The following EXOC1 variants were observed in gnomAD, a reference collection of about 807,000 sequenced individuals.
EXOC1 encodes exocyst complex component 1.
In EXOC1, 67 loss-of-function variants were observed where a neutral mutation model predicts 107.7. That is an observed-to-expected ratio of 0.62 (90% CI 0.51 to 0.76). EXOC1 has a LOEUF of 0.76. Ranked by LOEUF, EXOC1 falls within the 30% of genes least tolerant of loss-of-function variation. EXOC1 has a pLI of 0.00. For missense variants in EXOC1, 833 were observed against 1,055.7 expected (o/e 0.79, Z 2.92); for synonymous variants, 348 against 353.5 (o/e 0.98, Z 0.17).
chr4:55,897,760 C>A (rs927293237), intron 16 of EXOC1, among the ~76,000 whole-genome samples: 3 of 152,068 alleles, frequency 2.0e-5, no homozygotes, highest in Admixed American at 6.6e-5. Context: ...GGATTATAGG[C>A]AGGCATCATC....
At chr4:55,879,847 A>G (rs1723223354) in intron 9 of EXOC1, among the ~76,000 whole-genome samples, 1 of 152,188 alleles carries the variant, frequency 6.6e-6, no homozygotes. Flanking sequence ...GTTTTTGTGA[A>G]TATGAAGTTT....
At chr4:55,896,624 T>C in intron 15 of EXOC1, 93 bp from the exon 16 acceptor site, 1 of 1,001,502 alleles carries the variant, frequency 1.0e-6, no homozygotes, top group Non-Finnish European at 1.4e-6. Context: ...TCTATGTATA[T>C]ATCTATATCT....
At chr4:55,854,455 G>T (rs62310537) in intron 1 of EXOC1, among the ~76,000 whole-genome samples, 22,642 of 151,922 alleles carry the variant, frequency 0.15, 1,943 homozygotes, top group Middle Eastern at 0.25. Context: ...TAATTTTAGA[G>T]GACCTCTAGG....
At chr4:55,867,456 T>C (rs1325980437) in intron 4 of EXOC1, among the ~76,000 whole-genome samples, 2 of 152,148 alleles carry the variant, frequency 1.3e-5, no homozygotes, top group Non-Finnish European at 2.9e-5. Flanking sequence ...AATTGCTAAC[T>C]TTATTTAGAG....
chr4:55,868,799 T>C (rs1722177437), intron 5 of EXOC1: 1 of 284,388 alleles, frequency 3.5e-6, no homozygotes, highest in South Asian at 1.1e-4. Flanking sequence ...AGAGAACATC[T>C]TGGGAGTTGA....
intron 1 of EXOC1, among the ~76,000 whole-genome samples, chr4:55,854,522 A>G (rs1475994185): frequency 6.6e-6 from 1 of 151,966 alleles, no homozygotes; most frequent in Non-Finnish European, 1.5e-5. Context: ...TAATCACTCG[A>G]CTCTTAGGAT....
chr4:55,857,271 C>T (rs1045609599), intron 1 of EXOC1, among the ~76,000 whole-genome samples: 10 of 146,010 alleles, frequency 6.8e-5, no homozygotes, highest in Admixed American at 2.8e-4. Context: ...CTCCGCCTCC[C>T]GAGTTCATGC....
chr4:55,858,490 A>G, intron 2 of EXOC1, 43 bp downstream of exon 2: 1 of 1,511,438 alleles, frequency 6.6e-7, no homozygotes, highest in Non-Finnish European at 8.8e-7. Flanking sequence ...GTATCCTTTT[A>G]TTATTTAGAA....
intron 9 of EXOC1, chr4:55,882,969 T>G (rs1194526087): frequency 6.6e-6 from 1 of 152,052 alleles, no homozygotes; most frequent in Non-Finnish European, 1.5e-5. Flanking sequence ...AAATATACAG[T>G]CTCCCACTGT....
At chr4:55,861,753 G>T (rs563074643) in intron 3 of EXOC1, among the ~76,000 whole-genome samples, 3 of 152,180 alleles carry the variant, frequency 2.0e-5, no homozygotes, top group Non-Finnish European at 4.4e-5. Context: ...ATTATAATGG[G>T]ATGTTTAAAA....
At position 55,878,045 on chromosome 4, in the gene EXOC1, A is replaced by C; in HGVS notation, c.1203A>C (p.Gly401=). Residue 401 remains glycine, a synonymous_variant, in exon 9 of 19, where the codon GGA becomes GGC. Transcript: ENST00000381295. The part of the protein sequence containing the change: ...LMEWLKSTDY[G]KYEGLTKNYM... ...AGTGGCTAAAGAGTACAGATTATGGAAAATATGAAGGACTAACAAAGGTAT... is the reference window on the plus strand; with the variant it reads ...AGTGGCTAAAGAGTACAGATTATGGCAAATATGAAGGACTAACAAAGGTAT... 2 of 1,613,392 alleles carry C rather than the reference A, an allele frequency of 1.2e-6. No homozygotes were observed. Among genetic ancestry groups the C allele is most frequent in the South Asian group, 2.2e-5 (2 of 91,026 alleles).
chr4:55,884,950 G>A (rs1723728978), intron 10 of EXOC1, among the ~76,000 whole-genome samples: 1 of 152,138 alleles, frequency 6.6e-6, no homozygotes, highest in Admixed American at 6.6e-5. Flanking sequence ...CATTTGAAAT[G>A]GTTTGAATTT....
At chr4:55,903,513 C>T (rs1330997968) in intron 18 of EXOC1, among the ~76,000 whole-genome samples, 2 of 152,006 alleles carry the variant, frequency 1.3e-5, no homozygotes, top group Admixed American at 6.6e-5. Flanking sequence ...TAGGGAATAG[C>T]GATTGGTCTT....
At chr4:55,876,069 T>A (rs751651355) in intron 8 of EXOC1, 4 of 985,028 alleles carry the variant, frequency 4.1e-6, no homozygotes, top group Non-Finnish European at 4.8e-6. Context: ...ATGTTTATAT[T>A]GACCTTTGGC....
chr4:55,861,969 G>C (rs550074678), intron 3 of EXOC1, among the ~76,000 whole-genome samples: 1 of 151,594 alleles, frequency 6.6e-6, no homozygotes, highest in South Asian at 2.1e-4. Flanking sequence ...CAAGAGAATT[G>C]CTTGAACCTG....
rs1279534024 is a variant in EXOC1, at chr4:55,905,070, A to C, written c.*575A>C. 6.6e-6 allele frequency: 1 copy of C among 152,202 alleles called. No individual in the cohort carries two copies. The highest frequency in any genetic ancestry group is 1.5e-5 in the Non-Finnish European group (1 of 68,028). The allele number at this position is 152,202 out of a possible 1,614,324, so 9.4% of individuals were successfully genotyped here. On this transcript the variant is annotated 3_prime_UTR_variant, in exon 19 of 19. Coordinates refer to ENST00000381295, the MANE Select transcript of EXOC1 (RefSeq NM_001024924.2). ...ATATGCTGTCTTCTGTATTAAAGCAAGTTCTTACAAAATCCATATACAAAA... is the reference window on the plus strand; with the variant it reads ...ATATGCTGTCTTCTGTATTAAAGCACGTTCTTACAAAATCCATATACAAAA...
intron 16 of EXOC1, among the ~76,000 whole-genome samples, chr4:55,897,249 C>T (rs984259334): frequency 1.3e-4 from 20 of 151,798 alleles, no homozygotes; most frequent in Admixed American, 6.6e-5. Flanking sequence ...ACCTCACCCT[C>T]CCAAGTAGCT....
chr4:55,855,829 A>G (rs916711255), intron 1 of EXOC1, among the ~76,000 whole-genome samples: 36 of 152,210 alleles, frequency 2.4e-4, no homozygotes, highest in African/African-American at 8.2e-4. Flanking sequence ...GAAATATAAC[A>G]TAGTGTCTGG....
chr4:55,868,511 G>A lies in EXOC1; in HGVS notation c.591G>A (p.Gln197=). 1.2e-6 allele frequency: 2 copies of A among 1,613,426 alleles called. No homozygotes were observed. The change falls in exon 5 of 19, where the codon CAG becomes CAA. Residue 197 remains glutamine, a synonymous_variant. Coordinates refer to ENST00000381295, the MANE Select transcript of EXOC1 (RefSeq NM_001024924.2). ...CAGAAAAATTGTCCAGAGAGCTGCA[G>A]GTGCTAGATGGGGTAAGACTTTCCT... ...AFAEKLSREL[Q]VLDGANIQSI... is the part of the protein sequence containing the mutation.
Sources: allele counts gnomAD v4.1 joint callset (sites outside exome capture counted in the v4.1 genomes callset), GRCh38; gene constraint gnomAD v4.1.1; transcripts MANE v1.5; gene names NCBI Gene and HGNC (gene_info 2026-07-23, HGNC 2026-07-21).